Variants in PTPRR observed in about 807,000 individuals in gnomAD.
PTPRR encodes protein tyrosine phosphatase receptor type R.
In PTPRR, 38 loss-of-function variants were observed where a neutral mutation model predicts 77.2. That is an observed-to-expected ratio of 0.49 (90% CI 0.38 to 0.65). PTPRR has a LOEUF of 0.65. Among genes scored for constraint, PTPRR ranks in the 30% least tolerant of loss-of-function variants. The probability of loss-of-function intolerance (pLI) is 0.00; values close to 1 mark genes in which losing one functional copy is unlikely to be tolerated. For missense variants in PTPRR, 744 were observed against 799.2 expected, an observed-to-expected ratio of 0.93 and a Z score of 0.83; for synonymous variants, 299 against 283.1, an observed-to-expected ratio of 1.06 and a Z score of -0.57.
At chr12:70,757,540 A>G (rs1486236638) in intron 4 of PTPRR, among the ~76,000 whole-genome samples, 1 of 152,224 alleles carries the variant, frequency 6.6e-6, no homozygotes, top group Non-Finnish European at 1.5e-5. Flanking sequence ...TTTAAGAAAC[A>G]GATTACAAAT....
At chr12:70,754,987 T>A (rs1297435720) in intron 4 of PTPRR, among the ~76,000 whole-genome samples, 1 of 152,144 alleles carries the variant, frequency 6.6e-6, no homozygotes. Context: ...TTTGTATCAT[T>A]TTTGTTCCAC....
intron 2 of PTPRR, among the ~76,000 whole-genome samples, chr12:70,793,185 A>G (rs1891451670): frequency 6.6e-6 from 1 of 151,394 alleles, no homozygotes; most frequent in Admixed American, 6.6e-5. Context: ...AGCAAATACT[A>G]TTGACATCTC....
intron 8 of PTPRR, among the ~76,000 whole-genome samples, chr12:70,688,106 G>A (rs1353636392): frequency 6.6e-6 from 1 of 152,058 alleles, no homozygotes; most frequent in African/African-American, 2.4e-5. Context: ...ATCTTATTTT[G>A]TATTCATAAT....
intron 2 of PTPRR, among the ~76,000 whole-genome samples, chr12:70,889,474 T>C (rs1407402103): frequency 6.6e-6 from 1 of 152,096 alleles, no homozygotes; most frequent in African/African-American, 2.4e-5. Context: ...CTATCACACG[T>C]TTTTGGATTT....
chr12:70,761,950 TTA>T (rs757978651), intron 3 of PTPRR, among the ~76,000 whole-genome samples: 49 of 152,188 alleles, frequency 3.2e-4, no homozygotes, highest in Admixed American at 3.1e-3. Context: ...CCCTGAGTAA[TTA>T]TGTTTAAAGA....
rs578055343 is a variant in PTPRR at position 70,892,890 on chromosome 12, T to C, written c.146A>G (p.Asp49Gly). 1.2e-6 allele frequency: 2 copies of C among 1,613,582 alleles called. No homozygotes were observed. The highest frequency in any genetic ancestry group is 2.2e-5 in the South Asian group (2 of 91,078). The change falls in exon 2 of 14, where the codon GAC (aspartate) becomes GGC (glycine). Residue 49 changes from aspartate to glycine, a missense_variant. Around this residue, in one of 3 missense-constraint regions of PTPRR, gnomAD observed 570 missense variants for 573.2 expected, o/e 0.99. Transcript: ENST00000283228. ...GGCTATATCCAGGCTCTTCTCAATG[T>C]CTTGTGAATGCTTATAAATGAATAC... ...KPVFIYKHSQ[D>G]IEKSLDIAPQ... is the part of the protein sequence containing the mutation.
intron 13 of PTPRR, among the ~76,000 whole-genome samples, chr12:70,652,568 A>G (rs1265002368): frequency 2.0e-5 from 3 of 152,216 alleles, no homozygotes; most frequent in African/African-American, 7.2e-5. Context: ...ATTTTGATGC[A>G]TATATTGGCA....
chr12:70,912,784 T>C (rs939706537), intron 1 of PTPRR, among the ~76,000 whole-genome samples: 19 of 152,212 alleles, frequency 1.2e-4, no homozygotes, highest in Non-Finnish European at 2.4e-4. Context: ...TAGGCACTTA[T>C]AGTTACATTA....
intron 2 of PTPRR, among the ~76,000 whole-genome samples, chr12:70,782,621 T>TA (rs1891227420): frequency 6.6e-6 from 1 of 151,408 alleles, no homozygotes; most frequent in South Asian, 2.1e-4. Flanking sequence ...TTCTCACTCA[T>TA]AGTGGGAATT....
At position 70,656,564 on chromosome 12, in the gene PTPRR, C is replaced by T. The variant is rs1886588858; in HGVS notation, c.1880+140G>A. On this transcript the variant is annotated intron_variant, in intron 13 of 13. Transcript: ENST00000283228. Reference sequence around the variant, plus strand: ...GAAAAAAAGGCTTTTTAATATAATGCATATACTTAAGCATTTTACAAGCAT... The same window carrying T: ...GAAAAAAAGGCTTTTTAATATAATGTATATACTTAAGCATTTTACAAGCAT... The T allele has an allele frequency of 6.7e-6, 4 of 599,738 alleles. No homozygotes were observed. In the East Asian group the frequency reaches 1.1e-4, roughly 17 times the overall value. 37.2% of individuals were successfully genotyped at this position (599,738 alleles called of 1,614,324 possible). A position where few individuals can be genotyped will look rare whatever the true frequency, so the allele number is the denominator to read the frequency against.
intron 1 of PTPRR, among the ~76,000 whole-genome samples, chr12:70,902,856 A>G (rs1893561789): frequency 6.6e-6 from 1 of 151,748 alleles, no homozygotes; most frequent in Non-Finnish European, 1.5e-5. Flanking sequence ...CATGTAACAA[A>G]ACACCCCCTG....
chr12:70,744,122 G>A (rs1317874292), intron 6 of PTPRR, among the ~76,000 whole-genome samples: 3 of 152,026 alleles, frequency 2.0e-5, no homozygotes, highest in Non-Finnish European at 4.4e-5. Context: ...AAAATAATGT[G>A]GATGACCAGA....
chr12:70,643,247 C>T (rs12310715), intron 13 of PTPRR, among the ~76,000 whole-genome samples: 20,682 of 152,158 alleles, frequency 0.14, 1,720 homozygotes, highest in African/African-American at 0.23. Context: ...GATTCTCCCA[C>T]CTCAGCCTCC....
intron 1 of PTPRR, among the ~76,000 whole-genome samples, chr12:70,898,320 A>T (rs1335253388): frequency 2.7e-5 from 4 of 150,692 alleles, no homozygotes; most frequent in Non-Finnish European, 5.9e-5. Context: ...TACTTCTATA[A>T]ATGTGAACCC....
chr12:70,843,694 T>C lies in PTPRR; in HGVS notation c.357+48985A>G, dbSNP rs941353681. ...ATCTTTGTTATTGTAATTGATGTAA[T>C]TTAAGAACTGTTATATAGAATGACT... is the stretch of plus-strand genomic sequence containing the variant. On this transcript the variant is annotated intron_variant, in intron 2 of 13. Transcript: ENST00000283228. 5.3e-5 allele frequency among the ~76,000 whole-genome samples: 8 copies of C among 152,168 alleles called. No individual in the cohort carries two copies. In the South Asian group the frequency reaches 1.7e-3, roughly 31 times the overall value.
chr12:70,658,043 G>A (rs955141983), intron 12 of PTPRR, among the ~76,000 whole-genome samples: 1 of 152,114 alleles, frequency 6.6e-6, no homozygotes, highest in Non-Finnish European at 1.5e-5. Context: ...ATTAACTATA[G>A]CATAATGTCT....
chr12:70,808,980 TGGAGATA>T (rs1891760383), intron 2 of PTPRR, among the ~76,000 whole-genome samples: 1 of 152,178 alleles, frequency 6.6e-6, no homozygotes, highest in Admixed American at 6.5e-5. Flanking sequence ...TTGTTCTATG[TGGAGATA>T]GTATAGGGAG....
chr12:70,884,853 C>A (rs2137108707), intron 2 of PTPRR, among the ~76,000 whole-genome samples: 1 of 91,088 alleles, frequency 1.1e-5, no homozygotes. Context: ...GTCTGGGCAA[C>A]AGAGCAAAAC....
In PTPRR at chr12:70,794,635, G is replaced by GA. The variant is rs537187690; in HGVS notation, c.358-29858_358-29857insT. 1.4e-3 allele frequency among the ~76,000 whole-genome samples: 212 copies of GA among 152,286 alleles called. 1 individual carries two copies. Among genetic ancestry groups the GA allele is most frequent in the African/African-American group, 4.8e-3 (199 of 41,558 alleles). ...GAGAGAAGACTCCCTTTCCTTTGGTGGTATTTAGTGCAGAGCTTCAGCCCA... is the reference window on the plus strand; with the variant it reads ...GAGAGAAGACTCCCTTTCCTTTGGTGAGTATTTAGTGCAGAGCTTCAGCCCA... On this transcript the variant is annotated intron_variant, in intron 2 of 13. Coordinates refer to ENST00000283228, the MANE Select transcript of PTPRR (RefSeq NM_002849.4).
Sources: allele counts gnomAD v4.1 joint callset (sites outside exome capture counted in the v4.1 genomes callset), GRCh38; gene constraint gnomAD v4.1.1; regional missense constraint gnomAD v4.1.1; transcripts MANE v1.5; gene names NCBI Gene and HGNC (gene_info 2026-07-23, HGNC 2026-07-21).